Variants in PAK2 observed in about 807,000 individuals in gnomAD.
PAK2 encodes the protein p21 (RAC1) activated kinase 2.
A neutral mutation model predicts 65.9 loss-of-function variants in PAK2; 21 were observed. That is an observed-to-expected ratio of 0.32 (90% CI 0.23 to 0.46). The LOEUF is 0.46. Among genes scored for constraint, PAK2 ranks in the 20% least tolerant of loss-of-function variants. The pLI, the probability that PAK2 is intolerant of heterozygous loss-of-function variation, is 1.00. For missense variants in PAK2, 324 were observed against 642.6 expected (o/e 0.50, Z 5.36); for synonymous variants, 204 against 219.7 (o/e 0.93, Z 0.63).
chr3:196,751,694 T>TATATATATATATATATATATATATAA (rs1211217848), intron 1 of PAK2, among the ~76,000 whole-genome samples: 4 of 45,872 alleles, frequency 8.7e-5, no homozygotes, highest in African/African-American at 4.7e-4. Flanking sequence ...TATATATATA[T>TATATATATATATATATATATATATAA]AATTCAGGCT....
intron 1 of PAK2, among the ~76,000 whole-genome samples, chr3:196,744,653 T>C (rs1471305231): frequency 1.3e-5 from 2 of 152,240 alleles, no homozygotes; most frequent in Non-Finnish European, 2.9e-5. Flanking sequence ...ACCTTTTGTG[T>C]GTCGGATACT....
At chr3:196,808,937 G>A in intron 7 of PAK2, among the ~76,000 whole-genome samples, 1 of 146,752 alleles carries the variant, frequency 6.8e-6, no homozygotes, top group Non-Finnish European at 1.5e-5. Flanking sequence ...TGTATGGAAG[G>A]ATTGTTTTAA....
At chr3:196,800,981 G>A (rs1185126094) in intron 2 of PAK2, among the ~76,000 whole-genome samples, 1 of 152,112 alleles carries the variant, frequency 6.6e-6, no homozygotes, top group Non-Finnish European at 1.5e-5. Context: ...GGGGTAGGGG[G>A]AAGGAACTGA....
intron 13 of PAK2, among the ~76,000 whole-genome samples, chr3:196,822,498 A>C (rs1379695466): frequency 1.3e-5 from 2 of 152,084 alleles, no homozygotes; most frequent in Non-Finnish European, 2.9e-5. Context: ...AGGCCAGCCT[A>C]GGCAACATAG....
At chr3:196,743,718 C>A (rs1560086404) in intron 1 of PAK2, among the ~76,000 whole-genome samples, 1 of 151,842 alleles carries the variant, frequency 6.6e-6, no homozygotes, top group African/African-American at 2.4e-5. Context: ...GTATTCTCTA[C>A]TAAAAATAAA....
At chr3:196,823,883 C>T (rs990345440) in intron 13 of PAK2, among the ~76,000 whole-genome samples, 1 of 151,676 alleles carries the variant, frequency 6.6e-6, no homozygotes, top group Admixed American at 6.6e-5. Context: ...CACACATTAC[C>T]AAAAAGGCAG....
chr3:196,811,222 TC>T (rs1560113589), intron 8 of PAK2, among the ~76,000 whole-genome samples: 8 of 28,030 alleles, frequency 2.9e-4, no homozygotes, highest in South Asian at 1.2e-3. Context: ...CTTCCCTCCC[TC>T]CCTTCCCTTC....
chr3:196,807,690 A>G (rs1715630101), intron 6 of PAK2, 92 bp from the exon 7 acceptor site: 4 of 704,504 alleles, frequency 5.7e-6, no homozygotes, highest in Non-Finnish European at 9.9e-6. Context: ...TACTTAGTTC[A>G]GGTTAAAAAT....
At chr3:196,818,435 G>A (rs756576961) in intron 12 of PAK2, among the ~76,000 whole-genome samples, 7 of 152,034 alleles carry the variant, frequency 4.6e-5, no homozygotes, top group Non-Finnish European at 8.8e-5. Flanking sequence ...TTGTTGCCCA[G>A]GCTGGAGTGC....
rs147596309 is a variant in PAK2 at position 196,754,374 on chromosome 3, G to A, written c.-22+14217G>A. On this transcript the variant is annotated intron_variant, in intron 1 of 14. Coordinates refer to ENST00000327134, the MANE Select transcript of PAK2 (RefSeq NM_002577.4). ...TCATGTGCATTTGTCAGAGATGTGT[G>A]TGTGTTTTCCTTGCCTCTCCAGGGG... Among the ~76,000 whole-genome samples, 271 of 152,292 alleles carry A rather than the reference G, an allele frequency of 1.8e-3. 2 individuals are homozygous for A. In the Middle Eastern group the frequency reaches 0.031, roughly 17 times the overall value.
rs1253532230 is a variant in PAK2 at position 196,760,563 on chromosome 3, T to TAA, written c.-22+20406_-22+20407insAA. Among the ~76,000 whole-genome samples the TAA allele has an allele frequency of 1.8e-4, 27 of 152,304 alleles. No individual in the cohort carries two copies. The East Asian group carries it at 4.8e-3, about 27-fold the overall frequency. Reference sequence around the variant, plus strand: ...ACCAAGCCTGGACTCTGAGTATGATTTCTTACCTCATTGTTCATATTTCTA... The same window carrying TAA: ...ACCAAGCCTGGACTCTGAGTATGATTAATCTTACCTCATTGTTCATATTTCTA... On this transcript the variant is annotated intron_variant, in intron 1 of 14. Coordinates refer to ENST00000327134, the MANE Select transcript of PAK2 (RefSeq NM_002577.4).
chr3:196,766,576 A>C lies in PAK2; in HGVS notation c.-21-16050A>C, dbSNP rs188376281. Among the ~76,000 whole-genome samples the C allele has an allele frequency of 1.9e-3, 291 of 152,324 alleles. 1 individual carries two copies. Among genetic ancestry groups the C allele is most frequent in the Middle Eastern group, 0.01 (3 of 294 alleles). On this transcript the variant is annotated intron_variant, in intron 1 of 14. Transcript: ENST00000327134. Reference sequence around the variant, plus strand: ...GTGATCAGTGGATGGCTATCTTACTACAAGCAGTATTGTTCATTCTTCATA... The same window carrying C: ...GTGATCAGTGGATGGCTATCTTACTCCAAGCAGTATTGTTCATTCTTCATA...
intron 1 of PAK2, among the ~76,000 whole-genome samples, chr3:196,756,037 A>C (rs2669633): frequency 0.47 from 70,779 of 152,016 alleles, 16,935 homozygotes; most frequent in Non-Finnish European, 0.53. Flanking sequence ...TACAGGTGTG[A>C]GCCACCGCAC....
At chr3:196,810,183 T>C (rs888478668) in intron 7 of PAK2, among the ~76,000 whole-genome samples, 26 of 151,924 alleles carry the variant, frequency 1.7e-4, no homozygotes, top group Non-Finnish European at 5.9e-5. Context: ...TATTCAAATA[T>C]ATCTATTTTA....
chr3:196,789,823 C>T (rs1403723380), intron 2 of PAK2, among the ~76,000 whole-genome samples: 1 of 152,188 alleles, frequency 6.6e-6, no homozygotes, highest in Admixed American at 6.5e-5. Flanking sequence ...AACTCTTCCA[C>T]CTCAGATCAT....
chr3:196,797,402 G>A (rs901748501), intron 2 of PAK2, among the ~76,000 whole-genome samples: 1 of 152,050 alleles, frequency 6.6e-6, no homozygotes. Context: ...GGCAGAGGCT[G>A]CAGTGAGCTG....
chr3:196,818,711 A>G (rs1165755813), intron 12 of PAK2, among the ~76,000 whole-genome samples: 2 of 152,104 alleles, frequency 1.3e-5, no homozygotes, highest in African/African-American at 4.8e-5. Context: ...GCTCTCATAC[A>G]TTTTTGGTGA....
intron 1 of PAK2, among the ~76,000 whole-genome samples, chr3:196,744,548 TA>T (rs1249928746): frequency 6.6e-6 from 1 of 152,194 alleles, no homozygotes; most frequent in African/African-American, 2.4e-5. Context: ...ATAAAATTCT[TA>T]AAAAGTGAAA....
chr3:196,784,010 A>T (rs1036066229), intron 2 of PAK2, among the ~76,000 whole-genome samples: 1 of 152,150 alleles, frequency 6.6e-6, no homozygotes, highest in Admixed American at 6.6e-5. Context: ...GTTGCTATGG[A>T]TAATGTTGAA....
Sources: allele counts gnomAD v4.1 joint callset (sites outside exome capture counted in the v4.1 genomes callset), GRCh38; gene constraint gnomAD v4.1.1; transcripts MANE v1.5; gene names NCBI Gene and HGNC (gene_info 2026-07-23, HGNC 2026-07-21).